Variants in DLGAP4 observed in about 807,000 individuals in gnomAD.
DLGAP4 encodes the protein disks large-associated protein 4.
In DLGAP4, 18 loss-of-function variants were observed where a neutral mutation model predicts 86.9. The observed-to-expected ratio is 0.21, with a 90% CI of 0.14 to 0.31. The LOEUF (loss-of-function observed/expected upper bound fraction) is 0.31, where lower values mean the gene tolerates loss of function less well. Among genes scored for constraint, DLGAP4 ranks in the 10% least tolerant of loss-of-function variants. The pLI, the probability that DLGAP4 is intolerant of heterozygous loss-of-function variation, is 1.00. For missense variants in DLGAP4, 1,085 were observed against 1,362.6 expected (o/e 0.80, Z 3.21); for synonymous variants, 548 against 574.3 (o/e 0.95, Z 0.65).
rs1260480686 is a variant in DLGAP4, at chr20:36,393,791, C to G, written c.-73+26516C>G. Among the ~76,000 whole-genome samples, 1 of 152,176 alleles carries G rather than the reference C, an allele frequency of 6.6e-6. No individual in the cohort carries two copies. Among genetic ancestry groups the G allele is most frequent in the Non-Finnish European group, 1.5e-5 (1 of 68,022 alleles). ...GGGTCTTCATTGTTCAGATGAGGAA[C>G]TGAGGCTCAGAGAGGGAGGTGACCT... On this transcript the variant is annotated intron_variant, in intron 2 of 12. Coordinates refer to ENST00000339266, the MANE Select transcript of DLGAP4 (RefSeq NM_001365621.2). This position sits in a 1 kb window ranked among gnomAD's most constrained non-coding sequence, Gnocchi z 4.4.
chr20:36,343,527 C>T (rs1030795035), intron 1 of DLGAP4, among the ~76,000 whole-genome samples: 28 of 152,114 alleles, frequency 1.8e-4, no homozygotes, highest in Admixed American at 7.2e-4. Context: ...TTAGTTCCAC[C>T]GCTTTTTAAT....
intron 10 of DLGAP4, among the ~76,000 whole-genome samples, chr20:36,517,012 C>T (rs960827153): frequency 1.3e-5 from 2 of 151,774 alleles, no homozygotes; most frequent in South Asian, 2.1e-4. Context: ...GTGATCCGCC[C>T]GCCTCGGCCT....
At chr20:36,461,861 T>C in intron 7 of DLGAP4, 3 of 984,026 alleles carry the variant, frequency 3.0e-6, no homozygotes, top group Non-Finnish European at 3.6e-6. Context: ...TCTTTGTCTC[T>C]GCCCTCGCGC....
chr20:36,344,586 G>A (rs971572279), intron 1 of DLGAP4, among the ~76,000 whole-genome samples: 2 of 152,160 alleles, frequency 1.3e-5, no homozygotes, highest in African/African-American at 2.4e-5. Context: ...GAGCCCAGCC[G>A]ACCATGGCTC....
At chr20:36,457,061 G>T (rs1338083993) in intron 7 of DLGAP4, among the ~76,000 whole-genome samples, 1 of 152,176 alleles carries the variant, frequency 6.6e-6, no homozygotes. Context: ...ACTGGGAAGG[G>T]GAAGGGCAGA....
At chr20:36,447,127 A>T (rs557335598) in intron 7 of DLGAP4, among the ~76,000 whole-genome samples, 190 bp downstream of exon 7, 1 of 152,258 alleles carries the variant, frequency 6.6e-6, no homozygotes, top group East Asian at 1.9e-4. Context: ...CTGGAGCTCA[A>T]ATGGGGGTCC....
rs565928793 is a variant in DLGAP4 at position 36,429,168 on chromosome 20, C to T, written c.-72-2478C>T. ...AATCTCGGCTCACTGCAACCTCCAC[C>T]TCCAGGTTCAAGTGATTTTCCTGCC... On this transcript the variant is annotated intron_variant, in intron 2 of 12. Transcript: ENST00000339266. Among the ~76,000 whole-genome samples the T allele has an allele frequency of 5.3e-5, 8 of 152,240 alleles. No homozygotes were observed. The South Asian group carries it at 1.5e-3, about 28-fold the overall frequency.
At chr20:36,514,705 C>T (rs562045468) in intron 10 of DLGAP4, among the ~76,000 whole-genome samples, 10 of 152,092 alleles carry the variant, frequency 6.6e-5, no homozygotes, top group East Asian at 1.9e-4. Context: ...TGAGCCACCG[C>T]GCCTGTCCTT....
chr20:36,369,549 C>A (rs865919320), intron 2 of DLGAP4, among the ~76,000 whole-genome samples: 34 of 152,158 alleles, frequency 2.2e-4, no homozygotes, highest in African/African-American at 7.9e-4. Flanking sequence ...CCACTGCACT[C>A]CAGCCTGGCC....
At chr20:36,499,491 G>A (rs564644598) in intron 8 of DLGAP4, 97 bp from the exon 9 acceptor site, 9 of 1,416,818 alleles carry the variant, frequency 6.4e-6, no homozygotes, top group South Asian at 6.1e-5. Context: ...GTCCGTTTGC[G>A]TCGTCCCACT....
chr20:36,390,595 C>G (rs987111577), intron 2 of DLGAP4, among the ~76,000 whole-genome samples: 4 of 152,156 alleles, frequency 2.6e-5, no homozygotes, highest in African/African-American at 9.7e-5. Flanking sequence ...CACTGTACCC[C>G]CCTCTAGTCT....
intron 1 of DLGAP4, among the ~76,000 whole-genome samples, chr20:36,328,404 A>G (rs2065236952): frequency 6.6e-6 from 1 of 151,898 alleles, no homozygotes; most frequent in Admixed American, 6.6e-5. Context: ...AGCTAAAAAT[A>G]CACAATGAGA....
At chr20:36,352,415 T>C (rs1366720985) in intron 1 of DLGAP4, among the ~76,000 whole-genome samples, 1 of 143,038 alleles carries the variant, frequency 7.0e-6, no homozygotes, top group Admixed American at 6.9e-5. Context: ...GGGCCTCTAA[T>C]TTGGGGGAGA....
chr20:36,446,644 C>T lies in DLGAP4; in HGVS notation c.1408-53C>T, dbSNP rs1001703748. On this transcript the variant is annotated intron_variant, in intron 6 of 12. Coordinates refer to ENST00000339266, the MANE Select transcript of DLGAP4 (RefSeq NM_001365621.2). The stretch of plus-strand genomic sequence containing the variant: ...TGAGCCCACCACCAAGAACCGCTCC[C>T]CCCAGGATGGGCAAGATAGCCAGCT... 3.3e-5 allele frequency: 51 copies of T among 1,544,588 alleles called. No homozygotes were observed. In the African/African-American group the frequency reaches 6.5e-4, roughly 20 times the overall value.
At position 36,525,243 on chromosome 20, in the gene DLGAP4, A is replaced by AAAC. The variant is rs1569527304; in HGVS notation, c.2605-606_2605-605insCAA. On this transcript the variant is annotated intron_variant, in intron 11 of 12. Coordinates refer to ENST00000339266, the MANE Select transcript of DLGAP4 (RefSeq NM_001365621.2). ...AAAAAAAAAAAAAAAAAAAAAAAAAAAAAAAAAAAAACAAAGAAATCCCAC... is the reference window on the plus strand; with the variant it reads ...AAAAAAAAAAAAAAAAAAAAAAAAAAAACAAAAAAAAAAACAAAGAAATCCCAC... Among the ~76,000 whole-genome samples the AAAC allele has an allele frequency of 7.2e-5, 6 of 83,692 alleles. No individual in the cohort carries two copies. In the East Asian group the frequency reaches 2.2e-3, roughly 31 times the overall value. The allele number at this position is 83,692 out of a possible 152,430, so 54.9% of individuals were successfully genotyped here. A position where few individuals can be genotyped will look rare whatever the true frequency, so the allele number is the denominator to read the frequency against.
intron 7 of DLGAP4, among the ~76,000 whole-genome samples, chr20:36,461,148 C>T (rs925213475): frequency 2.6e-4 from 40 of 152,240 alleles, no homozygotes; most frequent in African/African-American, 9.4e-4. Context: ...ACAGAGCATG[C>T]GTCGCGTTCC....
intron 2 of DLGAP4, among the ~76,000 whole-genome samples, chr20:36,381,644 A>G (rs1160175488): frequency 2.0e-5 from 3 of 152,158 alleles, no homozygotes; most frequent in Non-Finnish European, 2.9e-5. Flanking sequence ...GAGGCACTGG[A>G]GGAGTCTAGA....
intron 7 of DLGAP4, among the ~76,000 whole-genome samples, chr20:36,460,900 A>C (rs1363480320): frequency 2.6e-5 from 4 of 152,228 alleles, no homozygotes; most frequent in Admixed American, 6.5e-5. Flanking sequence ...CCAGAGGCGG[A>C]GCCGGGATTG....
At chr20:36,323,761 G>A (rs932467683) in intron 1 of DLGAP4, among the ~76,000 whole-genome samples, 1 of 152,204 alleles carries the variant, frequency 6.6e-6, no homozygotes, top group Non-Finnish European at 1.5e-5. Flanking sequence ...AGATCATCAG[G>A]CATTAGTTAG....
Sources: allele counts gnomAD v4.1 joint callset (sites outside exome capture counted in the v4.1 genomes callset), GRCh38; gene constraint gnomAD v4.1.1; non-coding constraint Gnocchi (gnomAD v3.1); transcripts MANE v1.5; gene names NCBI Gene and HGNC (gene_info 2026-07-23, HGNC 2026-07-21).